Variants in CERS6 observed in about 807,000 individuals in gnomAD.
The protein encoded by CERS6 is LAG1 homolog, ceramide synthase 6.
In CERS6, 26 loss-of-function variants were observed where a neutral mutation model predicts 56.8. The observed-to-expected ratio is 0.46, with a 90% CI of 0.34 to 0.63. The LOEUF (loss-of-function observed/expected upper bound fraction) is 0.63, where lower values mean the gene tolerates loss of function less well. Among genes scored for constraint, CERS6 ranks in the 30% least tolerant of loss-of-function variants. The pLI, the probability that CERS6 is intolerant of heterozygous loss-of-function variation, is 0.01. For missense variants in CERS6, 415 were observed against 467.5 expected, an observed-to-expected ratio of 0.89 and a Z score of 1.04; for synonymous variants, 164 against 173.3, an observed-to-expected ratio of 0.95 and a Z score of 0.42.
intron 1 of CERS6, among the ~76,000 whole-genome samples, chr2:168,508,222 T>G (rs1380101536): frequency 2.0e-5 from 3 of 152,240 alleles, no homozygotes; most frequent in African/African-American, 7.2e-5. Flanking sequence ...AGTGTTTGAA[T>G]AAATGTATAA....
intron 4 of CERS6, among the ~76,000 whole-genome samples, chr2:168,665,989 T>C (rs1234821674): frequency 6.9e-6 from 1 of 144,732 alleles, no homozygotes; most frequent in Non-Finnish European, 1.5e-5. Context: ...TGTGTGTGTG[T>C]GTAGTTTTAG....
At chr2:168,737,968 G>A (rs1476799268) in intron 8 of CERS6, among the ~76,000 whole-genome samples, 1 of 152,146 alleles carries the variant, frequency 6.6e-6, no homozygotes, top group Non-Finnish European at 1.5e-5. Flanking sequence ...TGAGATATCT[G>A]TACATATATA....
rs1693666541 is a variant in CERS6, at chr2:168,456,676, ACT to A, written c.170+60_170+61del. The A allele has an allele frequency of 1.3e-6, 2 of 1,514,670 alleles. No individual in the cohort carries two copies. The highest frequency in any genetic ancestry group is 1.8e-5 in the Admixed American group (1 of 54,994). The allele number at this position is 1,514,670 out of a possible 1,614,324, so 93.8% of individuals were successfully genotyped here. On this transcript the variant is annotated intron_variant, in intron 1 of 9. Coordinates refer to ENST00000305747, the MANE Select transcript of CERS6 (RefSeq NM_203463.3). The surrounding 1 kb of genome is among the most constrained non-coding windows in gnomAD (Gnocchi z 4.1). ...CCTGCGCACACACACGCGCGCACAC[ACT>A]CGCGCGCTCTCTGGCGCACGCCCCC... is the stretch of plus-strand genomic sequence containing the variant.
intron 9 of CERS6, among the ~76,000 whole-genome samples, chr2:168,767,971 A>G (rs1684763720): frequency 6.6e-6 from 1 of 152,206 alleles, no homozygotes; most frequent in Admixed American, 6.5e-5. Flanking sequence ...CAAGAATCTT[A>G]AGGCCTTCTG....
chr2:168,484,915 A>T (rs941305998), intron 1 of CERS6, among the ~76,000 whole-genome samples: 1 of 152,250 alleles, frequency 6.6e-6, no homozygotes, highest in Admixed American at 6.5e-5. Context: ...ATATTCTCTC[A>T]TAGTGGAACA....
At chr2:168,509,226 C>A (rs1694734077) in intron 1 of CERS6, among the ~76,000 whole-genome samples, 1 of 152,294 alleles carries the variant, frequency 6.6e-6, no homozygotes, top group African/African-American at 2.4e-5. Flanking sequence ...AACAGTATCA[C>A]CCAAAATGAT....
At chr2:168,707,629 T>C (rs1049461563) in intron 6 of CERS6, among the ~76,000 whole-genome samples, 1 of 152,148 alleles carries the variant, frequency 6.6e-6, no homozygotes, top group African/African-American at 2.4e-5. Flanking sequence ...CCAGTTGAAA[T>C]AGAAAAACCA....
chr2:168,624,504 A>G (rs1684546115), intron 3 of CERS6, among the ~76,000 whole-genome samples: 1 of 152,144 alleles, frequency 6.6e-6, no homozygotes, highest in African/African-American at 2.4e-5. Flanking sequence ...TTCTTACAAA[A>G]TATAGGTGAG....
chr2:168,716,206 G>A (rs1483821866), intron 7 of CERS6, among the ~76,000 whole-genome samples: 3 of 152,096 alleles, frequency 2.0e-5, no homozygotes, highest in African/African-American at 7.2e-5. Flanking sequence ...TTGTTGCTAT[G>A]ATTTTTAAGT....
At chr2:168,465,737 C>G (rs1250028799) in intron 1 of CERS6, among the ~76,000 whole-genome samples, 1 of 152,038 alleles carries the variant, frequency 6.6e-6, no homozygotes, top group Non-Finnish European at 1.5e-5. Context: ...GAGGTTGGTG[C>G]AGAGTTTCAG....
chr2:168,566,961 A>C (rs939810763), intron 3 of CERS6, among the ~76,000 whole-genome samples: 1 of 152,200 alleles, frequency 6.6e-6, no homozygotes, highest in African/African-American at 2.4e-5. Flanking sequence ...AATTCTCCTC[A>C]TAATGAATGC....
At chr2:168,639,990 A>G (rs1294654170) in intron 4 of CERS6, among the ~76,000 whole-genome samples, 1 of 152,200 alleles carries the variant, frequency 6.6e-6, no homozygotes, top group African/African-American at 2.4e-5. Flanking sequence ...TGGAATGACT[A>G]TTCCAAAGCA....
chr2:168,475,269 A>G (rs16855366), intron 1 of CERS6, among the ~76,000 whole-genome samples: 2,961 of 152,290 alleles, frequency 0.019, 73 homozygotes, highest in African/African-American at 0.052. Context: ...CCAGAATTCA[A>G]TGATTATTAA....
intron 9 of CERS6, among the ~76,000 whole-genome samples, chr2:168,767,037 A>G (rs1490050055): frequency 1.3e-5 from 2 of 152,256 alleles, no homozygotes; most frequent in East Asian, 1.9e-4. Context: ...TTTAATCAAC[A>G]TGCACAAAAC....
chr2:168,690,659 A>G (rs922382481), intron 4 of CERS6, among the ~76,000 whole-genome samples: 3 of 152,102 alleles, frequency 2.0e-5, no homozygotes, highest in Non-Finnish European at 2.9e-5. Context: ...GCTGTCATCA[A>G]TGTTTATAGA....
intron 4 of CERS6, among the ~76,000 whole-genome samples, chr2:168,652,426 GC>G (rs1559037200): frequency 6.6e-6 from 1 of 152,122 alleles, no homozygotes; most frequent in Non-Finnish European, 1.5e-5. Context: ...TAGGGATTAA[GC>G]CACGTAGCCA....
chr2:168,457,261 A>T (rs753747072), intron 1 of CERS6, among the ~76,000 whole-genome samples: 58 of 152,328 alleles, frequency 3.8e-4, no homozygotes, highest in Non-Finnish European at 7.8e-4. Flanking sequence ...TCTTTAAAAG[A>T]GGATGTGACA....
intron 3 of CERS6, among the ~76,000 whole-genome samples, chr2:168,610,079 G>A (rs1437907022): frequency 2.8e-5 from 4 of 144,218 alleles, no homozygotes; most frequent in African/African-American, 1.0e-4. Flanking sequence ...CCGGGTTCAT[G>A]CCGTTCTCCT....
intron 3 of CERS6, among the ~76,000 whole-genome samples, chr2:168,613,322 A>G (rs376244428): frequency 6.6e-6 from 1 of 152,268 alleles, no homozygotes. Flanking sequence ...GCATACAGGG[A>G]GTGGGTGAGT....
Sources: allele counts gnomAD v4.1 joint callset (sites outside exome capture counted in the v4.1 genomes callset), GRCh38; gene constraint gnomAD v4.1.1; non-coding constraint Gnocchi (gnomAD v3.1); transcripts MANE v1.5; gene names NCBI Gene and HGNC (gene_info 2026-07-23, HGNC 2026-07-21).